Variants in RAB12 observed in about 807,000 individuals in gnomAD.
The protein encoded by RAB12 is RAB12, member RAS oncogene family.
In RAB12, 11 loss-of-function variants were observed where a neutral mutation model predicts 28.4. The observed-to-expected ratio is 0.39, with a 90% CI of 0.24 to 0.64. The LOEUF (loss-of-function observed/expected upper bound fraction) is 0.64, where lower values mean the gene tolerates loss of function less well. Ranked by LOEUF, RAB12 falls within the 30% of genes least tolerant of loss-of-function variation. The probability of loss-of-function intolerance (pLI) is 0.50; values close to 1 mark genes in which losing one functional copy is unlikely to be tolerated. For missense variants in RAB12, 276 were observed against 351.1 expected (o/e 0.79, Z 1.71); for synonymous variants, 138 against 145.3 (o/e 0.95, Z 0.36).
At position 8,631,896 on chromosome 18, in the gene RAB12, G is replaced by GA. The variant is rs201411963; in HGVS notation, c.576-1284dup. On this transcript the variant is annotated intron_variant, in intron 2 of 5. Coordinates refer to ENST00000649141, the MANE Select transcript of RAB12 (RefSeq NM_001025300.3). ...TTCACTCTGGAAAGATATTTCATTTGAAAAAAAAATTAAAAGTTTTACTCT... is the reference window on the plus strand; with the variant it reads ...TTCACTCTGGAAAGATATTTCATTTGAAAAAAAAAATTAAAAGTTTTACTCT... Among the ~76,000 whole-genome samples, 25 of 150,868 alleles carry GA rather than the reference G, an allele frequency of 1.7e-4. No individual in the cohort carries two copies. In the East Asian group the frequency reaches 2.5e-3, roughly 15 times the overall value.
intron 1 of RAB12, among the ~76,000 whole-genome samples, chr18:8,617,237 G>A (rs1478374769): frequency 3.3e-5 from 5 of 152,072 alleles, no homozygotes; most frequent in East Asian, 1.9e-4. Flanking sequence ...CTGTAGATCC[G>A]AAAACTCTGA....
intron 1 of RAB12, among the ~76,000 whole-genome samples, chr18:8,623,956 CAA>C (rs970641346): frequency 2.6e-5 from 4 of 152,388 alleles, no homozygotes; most frequent in African/African-American, 9.6e-5. Flanking sequence ...CACTTCCCCT[CAA>C]GAGCCTCATC....
chr18:8,632,317 T>C (rs182703908), intron 2 of RAB12, among the ~76,000 whole-genome samples: 51 of 151,796 alleles, frequency 3.4e-4, no homozygotes, highest in Admixed American at 1.4e-3. Flanking sequence ...TTGGGACTTA[T>C]TGATGTTTTT....
chr18:8,632,563 C>T (rs2096016631), intron 2 of RAB12, among the ~76,000 whole-genome samples: 1 of 152,058 alleles, frequency 6.6e-6, no homozygotes, highest in Admixed American at 6.6e-5. Flanking sequence ...CACATGTGCC[C>T]CACGCCTGCC....
At chr18:8,616,393 A>C (rs1271680993) in intron 1 of RAB12, among the ~76,000 whole-genome samples, 2 of 151,980 alleles carry the variant, frequency 1.3e-5, no homozygotes, top group East Asian at 1.9e-4. Context: ...AAAAAAAAAA[A>C]AAAAAAACTT....
chr18:8,620,549 A>G (rs1389625052), intron 1 of RAB12, among the ~76,000 whole-genome samples: 2 of 146,950 alleles, frequency 1.4e-5, no homozygotes, highest in African/African-American at 2.5e-5. Flanking sequence ...CACACCTGCT[A>G]CTCAGATGCC....
In RAB12 at chr18:8,626,189, C is replaced by T. The variant is rs2096012549; in HGVS notation, c.575+1191C>T. On this transcript the variant is annotated intron_variant, in intron 2 of 5. Transcript: ENST00000649141. ...GATATTTCTTCCTGTGCTAGTCCCGCAGACTTTTTGTGCATTGCTGCCCAG... is the reference window on the plus strand; with the variant it reads ...GATATTTCTTCCTGTGCTAGTCCCGTAGACTTTTTGTGCATTGCTGCCCAG... Among the ~76,000 whole-genome samples the T allele has an allele frequency of 2.0e-5, 3 of 152,232 alleles. No individual in the cohort carries two copies. The South Asian group carries it at 6.2e-4, about 32-fold the overall frequency.
chr18:8,623,350 C>T (rs1188275892), intron 1 of RAB12, among the ~76,000 whole-genome samples: 1 of 152,222 alleles, frequency 6.6e-6, no homozygotes, highest in African/African-American at 2.4e-5. Context: ...CTGGTCCCTC[C>T]GTTTGGGGTC....
chr18:8,623,272 A>G (rs896535129), intron 1 of RAB12, among the ~76,000 whole-genome samples: 9 of 152,228 alleles, frequency 5.9e-5, no homozygotes, highest in Non-Finnish European at 1.3e-4. Context: ...TTATAAAAGT[A>G]TTAATTTGGG....
At chr18:8,620,139 C>CTTTTTTTTTTTCTTTTTTTTTTTT (rs2096009004) in intron 1 of RAB12, among the ~76,000 whole-genome samples, 1 of 53,956 alleles carries the variant, frequency 1.9e-5, no homozygotes, top group African/African-American at 7.9e-5. Flanking sequence ...TTTTCTTCTT[C>CTTTTTTTTTTTCTTTTTTTTTTTT]TTTTTTTTTT....
intron 2 of RAB12, among the ~76,000 whole-genome samples, chr18:8,630,283 C>T (rs1304678038): frequency 6.6e-6 from 1 of 152,154 alleles, no homozygotes; most frequent in Non-Finnish European, 1.5e-5. Context: ...TGAGACAGCT[C>T]AAAGGGGCTG....
rs1160919510 is a variant in RAB12, at chr18:8,609,792, C to T, written c.353C>T (p.Pro118Leu). 36 of 1,391,482 alleles carry T rather than the reference C, an allele frequency of 2.6e-5. No individual in the cohort carries two copies. The East Asian group carries it at 1.0e-3, about 39-fold the overall frequency. The allele number at this position is 1,391,482 out of a possible 1,614,324, so 86.2% of individuals were successfully genotyped here. A position where few individuals can be genotyped will look rare whatever the true frequency, so the allele number is the denominator to read the frequency against. Residue 118 changes from proline (P) to leucine (L), a missense_variant, in exon 1 of 6, where the codon CCG becomes CTG. Around this residue, in one of 4 missense-constraint regions of RAB12, gnomAD observed 76 missense variants for 117.9 expected, o/e 0.64. Transcript: ENST00000649141. ...GGGGGLGAGS[P>L]ALSGGQGRRR... is the part of the protein sequence containing the mutation. ...GGCGGCGGTCTGGGCGCGGGCTCCCCGGCGCTGTCGGGCGGCCAGGGCCGC... is the reference window on the plus strand; with the variant it reads ...GGCGGCGGTCTGGGCGCGGGCTCCCTGGCGCTGTCGGGCGGCCAGGGCCGC...
chr18:8,613,348 G>A (rs1255638915), intron 1 of RAB12, among the ~76,000 whole-genome samples: 1 of 152,182 alleles, frequency 6.6e-6, no homozygotes, highest in African/African-American at 2.4e-5. Flanking sequence ...CAACTAACAT[G>A]CCTGGTCCAC....
chr18:8,616,391 A>G lies in RAB12; in HGVS notation c.514+6438A>G, dbSNP rs184748598. On this transcript the variant is annotated intron_variant, in intron 1 of 5. Coordinates refer to ENST00000649141, the MANE Select transcript of RAB12 (RefSeq NM_001025300.3). ...TGAGTGTGATTGTTAAAAAAAAAAA[A>G]AAAAAAAAACTTGTGAAACTGGGAA... 4.8e-4 allele frequency among the ~76,000 whole-genome samples: 73 copies of G among 152,078 alleles called. 1 individual carries two copies. The highest frequency in any genetic ancestry group is 1.7e-3 in the African/African-American group (72 of 41,488).
At chr18:8,612,980 G>C (rs986516737) in intron 1 of RAB12, among the ~76,000 whole-genome samples, 24 of 152,200 alleles carry the variant, frequency 1.6e-4, no homozygotes, top group Non-Finnish European at 2.9e-5. Context: ...AAAGTAAATG[G>C]GATTCACTTG....
chr18:8,616,741 C>CGAA (rs1314912061), intron 1 of RAB12, among the ~76,000 whole-genome samples: 1 of 147,724 alleles, frequency 6.8e-6, no homozygotes, highest in African/African-American at 2.5e-5. Flanking sequence ...GGCTACATGG[C>CGAA]GAAACCCCAT....
intron 2 of RAB12, among the ~76,000 whole-genome samples, chr18:8,626,878 C>T (rs2096013006): frequency 6.6e-6 from 1 of 152,218 alleles, no homozygotes; most frequent in African/African-American, 2.4e-5. Flanking sequence ...ATGGATTGGA[C>T]TTACGGAATG....
chr18:8,613,397 T>A (rs1313034356), intron 1 of RAB12, among the ~76,000 whole-genome samples: 1 of 152,210 alleles, frequency 6.6e-6, no homozygotes, highest in Admixed American at 6.5e-5. Flanking sequence ...CAAGCATACT[T>A]ATCCACCATG....
intron 1 of RAB12, among the ~76,000 whole-genome samples, chr18:8,620,700 C>A (rs1461958688): frequency 6.6e-6 from 1 of 152,062 alleles, no homozygotes; most frequent in Non-Finnish European, 1.5e-5. Flanking sequence ...TGTTGTGTGC[C>A]AGGCAGTGTC....
Sources: gnomAD v4.1 joint callset for allele counts (sites outside exome capture counted in the v4.1 genomes callset) on GRCh38, gnomAD v4.1.1 for gene constraint, gnomAD v4.1.1 regional missense constraint, MANE v1.5 for transcripts, NCBI Gene and HGNC (gene_info 2026-07-23, HGNC 2026-07-21) for gene names.